Variants in ERC1 observed in about 807,000 individuals in gnomAD.
ERC1 encodes RAB6 interacting protein 2.
In ERC1, 56 loss-of-function variants were observed where a neutral mutation model predicts 132.0. That is an observed-to-expected ratio of 0.42 (90% CI 0.34 to 0.53). The LOEUF is 0.53. Ranked by LOEUF, ERC1 falls within the 20% of genes least tolerant of loss-of-function variation. The pLI, the probability that ERC1 is intolerant of heterozygous loss-of-function variation, is 0.03. For missense variants in ERC1, 1,202 were observed against 1,349.9 expected (o/e 0.89, Z 1.72); for synonymous variants, 478 against 476.1 (o/e 1.00, Z -0.05).
chr12:1,159,092 G>T (rs1951661256), intron 8 of ERC1, among the ~76,000 whole-genome samples: 1 of 152,108 alleles, frequency 6.6e-6, no homozygotes, highest in South Asian at 2.1e-4. Context: ...ATAAATATGA[G>T]AAAAATGTTC....
intron 1 of ERC1, among the ~76,000 whole-genome samples, chr12:1,019,861 C>G (rs1461103245): frequency 6.6e-6 from 1 of 152,088 alleles, no homozygotes; most frequent in Non-Finnish European, 1.5e-5. Context: ...CCTGCCTCAG[C>G]TTCCTGAGTA....
chr12:1,163,984 G>A (rs1952118381), intron 8 of ERC1, among the ~76,000 whole-genome samples: 1 of 152,186 alleles, frequency 6.6e-6, no homozygotes, highest in South Asian at 2.1e-4. Flanking sequence ...CTGAAGTGCT[G>A]GATTACGGGC....
At chr12:1,046,009 T>C (rs1971018680) in intron 2 of ERC1, among the ~76,000 whole-genome samples, 1 of 152,140 alleles carries the variant, frequency 6.6e-6, no homozygotes, top group African/African-American at 2.4e-5. Flanking sequence ...CTTGTTTTGA[T>C]TAGGCAGGAA....
intron 12 of ERC1, among the ~76,000 whole-genome samples, chr12:1,231,573 C>T (rs1256108919): frequency 6.6e-6 from 1 of 151,954 alleles, no homozygotes; most frequent in Non-Finnish European, 1.5e-5. Context: ...ACTCAGCTCC[C>T]TTTAGCATTT....
chr12:1,051,103 G>A (rs1162950245), intron 2 of ERC1, among the ~76,000 whole-genome samples: 1 of 152,108 alleles, frequency 6.6e-6, no homozygotes, highest in Non-Finnish European at 1.5e-5. Flanking sequence ...CATCATACTT[G>A]GAGAAATATT....
intron 18 of ERC1, among the ~76,000 whole-genome samples, chr12:1,486,382 C>T (rs1048628429): frequency 1.7e-4 from 26 of 151,208 alleles, no homozygotes; most frequent in South Asian, 4.2e-4. Flanking sequence ...TCTTTATTTT[C>T]GAAAGTTTTT....
chr12:1,235,284 G>T (rs2075337422), intron 12 of ERC1, among the ~76,000 whole-genome samples: 1 of 152,158 alleles, frequency 6.6e-6, no homozygotes, highest in South Asian at 2.1e-4. Context: ...ACCTGAGCCT[G>T]GGGGGTCAAG....
At chr12:1,455,756 G>C (rs1021442002) in intron 18 of ERC1, among the ~76,000 whole-genome samples, 5 of 152,174 alleles carry the variant, frequency 3.3e-5, no homozygotes, top group Non-Finnish European at 7.4e-5. Context: ...AATGCGAACC[G>C]TTTTTCATTT....
At chr12:1,095,467 A>C (rs947586257) in intron 3 of ERC1, among the ~76,000 whole-genome samples, 6 of 151,666 alleles carry the variant, frequency 4.0e-5, no homozygotes, top group Non-Finnish European at 7.4e-5. Context: ...TTCTTTAGTT[A>C]TTTAAGGAGA....
At chr12:1,464,078 A>G (rs2093694508) in intron 18 of ERC1, among the ~76,000 whole-genome samples, 1 of 152,158 alleles carries the variant, frequency 6.6e-6, no homozygotes, top group African/African-American at 2.4e-5. Context: ...TAAGGGAGAT[A>G]AGGAACTCTT....
rs142846830 is a variant in ERC1, at chr12:1,144,614, GTA to G, written c.1737+2846_1737+2847del. 4.3e-3 allele frequency among the ~76,000 whole-genome samples: 566 copies of G among 131,684 alleles called. 2 individuals carry two copies. The highest frequency in any genetic ancestry group is 5.3e-3 in the African/African-American group (171 of 31,964). 86.4% of individuals were successfully genotyped at this position (131,684 alleles called of 152,430 possible). On this transcript the variant is annotated intron_variant, in intron 8 of 18. Coordinates refer to ENST00000360905, the MANE Select transcript of ERC1 (RefSeq NM_178040.4). ...TTTTATGGCTGAGTAGAATTTTGTG[GTA>G]TATATATATATATATATACGTGTAT...
chr12:1,396,689 T>C (rs2090569445), intron 16 of ERC1, among the ~76,000 whole-genome samples: 1 of 152,182 alleles, frequency 6.6e-6, no homozygotes, highest in South Asian at 2.1e-4. Flanking sequence ...GGCTGAAAGA[T>C]AAAGATGAGG....
chr12:1,217,277 A>T (rs534740056), intron 12 of ERC1, among the ~76,000 whole-genome samples: 8 of 152,220 alleles, frequency 5.3e-5, no homozygotes, highest in African/African-American at 1.9e-4. Context: ...GGCACAGTAC[A>T]GTCATAGCAT....
intron 15 of ERC1, among the ~76,000 whole-genome samples, chr12:1,306,110 A>C (rs1458765871): frequency 6.6e-6 from 1 of 152,210 alleles, no homozygotes; most frequent in Non-Finnish European, 1.5e-5. Flanking sequence ...AAGAAAAAAA[A>C]ACCTTCGGTT....
chr12:1,239,533 GC>G, intron 13 of ERC1, among the ~76,000 whole-genome samples: 1 of 152,136 alleles, frequency 6.6e-6, no homozygotes, highest in East Asian at 1.9e-4. Context: ...ACCAGCCTGA[GC>G]AACATAGACC....
At chr12:1,184,163 A>G (rs1024991829) in intron 11 of ERC1, among the ~76,000 whole-genome samples, 4 of 151,714 alleles carry the variant, frequency 2.6e-5, no homozygotes, top group Admixed American at 2.6e-4. Flanking sequence ...GAAAAAAAAA[A>G]GAATAAGTGG....
At chr12:1,104,423 T>G (rs1945020878) in intron 3 of ERC1, among the ~76,000 whole-genome samples, 1 of 152,182 alleles carries the variant, frequency 6.6e-6, no homozygotes, top group South Asian at 2.1e-4. Flanking sequence ...GAATTCTGAT[T>G]ATATTTCCCG....
chr12:1,181,780 T>C, intron 9 of ERC1, 145 bp from the exon 10 acceptor site: 1 of 802,148 alleles, frequency 1.2e-6, no homozygotes, highest in Non-Finnish European at 1.8e-6. Flanking sequence ...CGAAACTCTG[T>C]CTCAAAAAAA....
chr12:1,408,802 A>T (rs2091668653), intron 17 of ERC1, among the ~76,000 whole-genome samples: 1 of 152,220 alleles, frequency 6.6e-6, no homozygotes, highest in Non-Finnish European at 1.5e-5. Flanking sequence ...ATCAATGCAA[A>T]AGAGATATTG....
Sources: allele counts gnomAD v4.1 joint callset (sites outside exome capture counted in the v4.1 genomes callset), GRCh38; gene constraint gnomAD v4.1.1; transcripts MANE v1.5; gene names NCBI Gene and HGNC (gene_info 2026-07-23, HGNC 2026-07-21).